The following DOCK9 variants were observed in gnomAD, a reference collection of about 807,000 sequenced individuals.
The protein encoded by DOCK9 is dedicator of cytokinesis protein 9.
A neutral mutation model predicts 263.3 loss-of-function variants in DOCK9; 89 were observed. The ratio of observed to expected loss-of-function variants is 0.34; its 90% CI spans 0.28 to 0.40. The LOEUF is 0.40. Among genes scored for constraint, DOCK9 ranks in the 10% least tolerant of loss-of-function variants. The probability of loss-of-function intolerance (pLI) is 1.00; values close to 1 mark genes in which losing one functional copy is unlikely to be tolerated. For missense variants in DOCK9, 2,140 were observed against 2,603.4 expected (o/e 0.82, Z 3.87); for synonymous variants, 976 against 973.1 (o/e 1.00, Z -0.06).
chr13:98,883,228 ATGTTGTTGTTGT>A (rs368231464), intron 22 of DOCK9, 97 bp from the exon 23 acceptor site: 7 of 1,075,032 alleles, frequency 6.5e-6, no homozygotes, highest in South Asian at 3.2e-5. Flanking sequence ...TTTTTGCTGT[ATGTTGTTGTTGT>A]TGTTGTTGTT....
chr13:99,059,475 A>G (rs1189198743), intron 1 of DOCK9, among the ~76,000 whole-genome samples: 1 of 151,952 alleles, frequency 6.6e-6, no homozygotes, highest in South Asian at 2.1e-4. Flanking sequence ...TCTACTTCCT[A>G]TCATTCCCGC....
At chr13:98,965,510 T>C (rs1178163889) in intron 1 of DOCK9, among the ~76,000 whole-genome samples, 1 of 152,154 alleles carries the variant, frequency 6.6e-6, no homozygotes, top group Admixed American at 6.5e-5. Flanking sequence ...TCCAGTCTTC[T>C]CATTTTACAC....
At chr13:98,894,146 G>C (rs1192450184) in intron 15 of DOCK9, among the ~76,000 whole-genome samples, 1 of 152,158 alleles carries the variant, frequency 6.6e-6, no homozygotes, top group Non-Finnish European at 1.5e-5. Flanking sequence ...CCATGCACTG[G>C]GGCTGCCCCT....
intron 38 of DOCK9, among the ~76,000 whole-genome samples, chr13:98,842,912 G>C (rs2047726181): frequency 6.6e-6 from 1 of 152,182 alleles, no homozygotes; most frequent in African/African-American, 2.4e-5. Context: ...TTGGGCATGG[G>C]GATTTGCTAT....
intron 4 of DOCK9, among the ~76,000 whole-genome samples, chr13:98,923,812 G>A (rs1306651576): frequency 1.3e-5 from 2 of 152,174 alleles, no homozygotes; most frequent in South Asian, 2.1e-4. Context: ...TGGGTATGAC[G>A]TGCTAGGCCC....
At chr13:98,994,311 AC>A (rs1263902122) in intron 1 of DOCK9, among the ~76,000 whole-genome samples, 2 of 152,104 alleles carry the variant, frequency 1.3e-5, no homozygotes, top group African/African-American at 4.8e-5. Flanking sequence ...GGGTGATTTT[AC>A]CCTCCAGCAG....
intron 27 of DOCK9, among the ~76,000 whole-genome samples, chr13:98,874,630 A>C (rs1430728411): frequency 6.6e-6 from 1 of 152,216 alleles, no homozygotes; most frequent in Non-Finnish European, 1.5e-5. Flanking sequence ...CTTCATCAGC[A>C]TCACCATAAA....
At chr13:99,038,288 C>CTTTTTT (rs71419743) in intron 1 of DOCK9, among the ~76,000 whole-genome samples, 47 of 86,244 alleles carry the variant, frequency 5.4e-4, no homozygotes, top group African/African-American at 7.0e-4. Context: ...TTATGCCCCC[C>CTTTTTT]TTTTTTTTTT....
intron 12 of DOCK9, 42 bp from the exon 13 acceptor site, chr13:98,901,942 C>T (rs1437489374): frequency 6.3e-7 from 1 of 1,598,988 alleles, no homozygotes; most frequent in South Asian, 1.1e-5. Flanking sequence ...GAATTCACAG[C>T]TACGTTAAAC....
intron 15 of DOCK9, among the ~76,000 whole-genome samples, chr13:98,897,071 G>C (rs925998516): frequency 2.0e-5 from 3 of 152,172 alleles, no homozygotes; most frequent in Non-Finnish European, 4.4e-5. Context: ...TAGAAACCTT[G>C]CAAGTTATTT....
chr13:99,001,991 C>A (rs930173172), intron 1 of DOCK9, among the ~76,000 whole-genome samples: 1 of 152,202 alleles, frequency 6.6e-6, no homozygotes, highest in Non-Finnish European at 1.5e-5. Context: ...CCACTCCCCA[C>A]CTACGCTTAC....
intron 9 of DOCK9, 124 bp from the exon 10 acceptor site, chr13:98,904,830 G>C (rs900037231): frequency 1.3e-6 from 1 of 760,996 alleles, no homozygotes; most frequent in Non-Finnish European, 2.1e-6. Flanking sequence ...CCTCGTGTTG[G>C]AGAGCCGCTG....
chr13:98,864,218 G>A (rs1011261114), intron 30 of DOCK9, among the ~76,000 whole-genome samples: 6 of 152,178 alleles, frequency 3.9e-5, no homozygotes, highest in African/African-American at 1.2e-4. Context: ...TAAAATTGAA[G>A]TGGACAAAGC....
intron 45 of DOCK9, among the ~76,000 whole-genome samples, chr13:98,818,831 T>C (rs1169335176): frequency 2.0e-5 from 3 of 149,774 alleles, no homozygotes; most frequent in South Asian, 2.1e-4. Flanking sequence ...CACACTAACA[T>C]TGTGTGTGTG....
chr13:98,861,071 A>C (rs1261062249), intron 32 of DOCK9, among the ~76,000 whole-genome samples: 2 of 152,226 alleles, frequency 1.3e-5, no homozygotes, highest in East Asian at 3.9e-4. Context: ...GGATTGAAAC[A>C]GTTCAAGGAG....
At chr13:99,067,318 C>G (rs754476729) in intron 1 of DOCK9, among the ~76,000 whole-genome samples, 3 of 152,194 alleles carry the variant, frequency 2.0e-5, no homozygotes, top group Non-Finnish European at 4.4e-5. Context: ...AAACTTCTAA[C>G]AGCACTGCAT....
intron 45 of DOCK9, among the ~76,000 whole-genome samples, chr13:98,818,184 T>G (rs1338217900): frequency 2.6e-5 from 4 of 152,236 alleles, no homozygotes; most frequent in Non-Finnish European, 5.9e-5. Context: ...TTTAGTAAGC[T>G]ATATTATTCA....
chr13:98,885,962 T>C, intron 19 of DOCK9, 131 bp from the exon 20 acceptor site: 1 of 763,878 alleles, frequency 1.3e-6, no homozygotes, highest in Non-Finnish European at 1.9e-6. Context: ...ACATTTGCAC[T>C]CAAAGATACT....
At chr13:98,919,703 T>G (rs1263180122) in intron 7 of DOCK9, among the ~76,000 whole-genome samples, 1 of 152,236 alleles carries the variant, frequency 6.6e-6, no homozygotes, top group East Asian at 1.9e-4. Flanking sequence ...CTGAATGATC[T>G]TCATTCTGAG....
Sources: allele counts gnomAD v4.1 joint callset (sites outside exome capture counted in the v4.1 genomes callset), GRCh38; gene constraint gnomAD v4.1.1; transcripts MANE v1.5; gene names NCBI Gene and HGNC (gene_info 2026-07-23, HGNC 2026-07-21).